The following GREB1L variants were observed in gnomAD, a reference collection of about 807,000 sequenced individuals.
The protein encoded by GREB1L is GREB1-like protein.
A neutral mutation model predicts 200.8 loss-of-function variants in GREB1L; 17 were observed. The ratio of observed to expected loss-of-function variants is 0.08; its 90% CI spans 0.06 to 0.13. The LOEUF (loss-of-function observed/expected upper bound fraction) is 0.13, where lower values mean the gene tolerates loss of function less well. Ranked by LOEUF, GREB1L falls within the 10% of genes least tolerant of loss-of-function variation. GREB1L has a pLI of 1.00. For synonymous variants in GREB1L, 789 were observed against 893.0 expected, an observed-to-expected ratio of 0.88 and a Z score of 2.08; for missense variants, 1,657 against 2,367.7, an observed-to-expected ratio of 0.70 and a Z score of 6.23.
At chr18:21,302,666 G>A (rs2038636562) in intron 1 of GREB1L, among the ~76,000 whole-genome samples, 1 of 152,130 alleles carries the variant, frequency 6.6e-6, no homozygotes, top group South Asian at 2.1e-4. Context: ...GGTTTGGTCT[G>A]GTCTGTTGGA....
chr18:21,399,597 A>T (rs2041233865), intron 5 of GREB1L, among the ~76,000 whole-genome samples: 1 of 152,152 alleles, frequency 6.6e-6, no homozygotes, highest in Admixed American at 6.5e-5. Flanking sequence ...GCTTTAAGGT[A>T]TTGGACAAAT....
At chr18:21,349,574 A>G (rs966053685) in intron 1 of GREB1L, among the ~76,000 whole-genome samples, 3 of 152,094 alleles carry the variant, frequency 2.0e-5, no homozygotes, top group Non-Finnish European at 4.4e-5. Context: ...GCAAGCGAGC[A>G]TTACCACCTG....
Position 21,243,059 on chromosome 18 carries a change from A to T in GREB1L, c.-120+666A>T, listed in dbSNP as rs1291548357. 2.0e-5 allele frequency among the ~76,000 whole-genome samples: 3 copies of T among 151,980 alleles called. No homozygotes were observed. In the East Asian group the frequency reaches 5.8e-4, roughly 29 times the overall value. On this transcript the variant is annotated intron_variant, in intron 1 of 32. Coordinates refer to ENST00000424526, the MANE Select transcript of GREB1L (RefSeq NM_001142966.3). The stretch of plus-strand genomic sequence containing the variant: ...GGCCAGCATGTCCATTTTTCTGTGC[A>T]TGGCTGAGGACCACTCTTATTCCGA...
At chr18:21,320,888 CAATG>C (rs2144912698) in intron 1 of GREB1L, among the ~76,000 whole-genome samples, 1 of 152,002 alleles carries the variant, frequency 6.6e-6, no homozygotes, top group Admixed American at 6.5e-5. Context: ...AATGAAATGA[CAATG>C]AAGAGTTCTT....
chr18:21,378,317 T>C (rs2040160125), intron 2 of GREB1L, among the ~76,000 whole-genome samples: 1 of 152,222 alleles, frequency 6.6e-6, no homozygotes, highest in Admixed American at 6.5e-5. Context: ...CAGAACTCCA[T>C]AGTCAGCACT....
chr18:21,495,690 A>G lies in GREB1L; in HGVS notation c.3051A>G (p.Pro1017=). 6.5e-7 allele frequency: 1 copy of G among 1,530,412 alleles called. No homozygotes were observed. The highest frequency in any genetic ancestry group is 8.9e-7 in the Non-Finnish European group (1 of 1,129,176). The allele number at this position is 1,530,412 out of a possible 1,614,324, so 94.8% of individuals were successfully genotyped here. A position where few individuals can be genotyped will look rare whatever the true frequency, so the allele number is the denominator to read the frequency against. ...TGTAGAGTTGGAGAGGAAATGAACCAGAAGAGTGGATCCCTCGGACATACC... is the reference window on the plus strand; with the variant it reads ...TGTAGAGTTGGAGAGGAAATGAACCGGAAGAGTGGATCCCTCGGACATACC... ...ARLKSWRGNE[P]EEWIPRTYQD... is the part of the protein sequence containing the mutation. Residue 1017 remains proline, a synonymous_variant, in exon 20 of 33, where the codon CCA becomes CCG. Transcript: ENST00000424526.
chr18:21,274,395 C>G (rs1269086632), intron 1 of GREB1L, among the ~76,000 whole-genome samples: 1 of 152,018 alleles, frequency 6.6e-6, no homozygotes, highest in African/African-American at 2.4e-5. Flanking sequence ...TATATACACA[C>G]ACACAAACAA....
At chr18:21,285,093 C>T (rs1009535032) in intron 1 of GREB1L, among the ~76,000 whole-genome samples, 8 of 152,002 alleles carry the variant, frequency 5.3e-5, no homozygotes, top group Non-Finnish European at 1.2e-4. Flanking sequence ...ATCAGATAAA[C>T]GGCTTAAAAA....
intron 4 of GREB1L, among the ~76,000 whole-genome samples, chr18:21,391,635 A>G (rs1170650230): frequency 1.3e-5 from 2 of 152,222 alleles, no homozygotes; most frequent in Non-Finnish European, 2.9e-5. Context: ...TTTCATTTAC[A>G]TATTAAAGAG....
chr18:21,336,910 TCTC>T (rs1368293332), intron 1 of GREB1L, among the ~76,000 whole-genome samples: 2 of 152,206 alleles, frequency 1.3e-5, no homozygotes, highest in African/African-American at 4.8e-5. Flanking sequence ...TCAGAACTCT[TCTC>T]CTTTCTGGTT....
intron 7 of GREB1L, among the ~76,000 whole-genome samples, chr18:21,422,433 A>G (rs2032234136): frequency 6.6e-6 from 1 of 152,166 alleles, no homozygotes; most frequent in Non-Finnish European, 1.5e-5. Flanking sequence ...CTCCTCCCAA[A>G]CAGGTAACCA....
chr18:21,364,307 A>T (rs147154632), intron 1 of GREB1L, among the ~76,000 whole-genome samples: 2 of 152,126 alleles, frequency 1.3e-5, no homozygotes. Flanking sequence ...TATAATTGTT[A>T]TTGATCTGTC....
chr18:21,514,209 G>A (rs1000606545), intron 28 of GREB1L, among the ~76,000 whole-genome samples: 1 of 152,122 alleles, frequency 6.6e-6, no homozygotes, highest in Non-Finnish European at 1.5e-5. Context: ...GGATCACAGC[G>A]TTGGTTAGCT....
chr18:21,446,214 A>G (rs2145346163), intron 11 of GREB1L, among the ~76,000 whole-genome samples: 1 of 152,246 alleles, frequency 6.6e-6, no homozygotes, highest in African/African-American at 2.4e-5. Flanking sequence ...TAGTAGAGAC[A>G]GGGTTTCACC....
At chr18:21,437,495 T>G (rs537660685) in intron 7 of GREB1L, among the ~76,000 whole-genome samples, 9 of 151,980 alleles carry the variant, frequency 5.9e-5, no homozygotes, top group African/African-American at 1.9e-4. Flanking sequence ...AATCTTAATA[T>G]CATAAGAAGA....
At chr18:21,400,167 C>T (rs1344127409) in intron 5 of GREB1L, among the ~76,000 whole-genome samples, 1 of 150,916 alleles carries the variant, frequency 6.6e-6, no homozygotes, top group African/African-American at 2.4e-5. Context: ...CTCTTATTGT[C>T]TGCTTTACTC....
At chr18:21,312,424 A>G (rs2144811948) in intron 1 of GREB1L, among the ~76,000 whole-genome samples, 1 of 152,304 alleles carries the variant, frequency 6.6e-6, no homozygotes, top group South Asian at 2.1e-4. Context: ...CAGTGGTCGA[A>G]GTAATTCACA....
chr18:21,497,513 G>A (rs1350058699), intron 21 of GREB1L, among the ~76,000 whole-genome samples: 3 of 151,666 alleles, frequency 2.0e-5, no homozygotes, highest in Non-Finnish European at 2.9e-5. Flanking sequence ...GCATGGTGGC[G>A]GGCGCCTGTA....
chr18:21,270,243 A>C (rs369537044), intron 1 of GREB1L, among the ~76,000 whole-genome samples: 23 of 152,340 alleles, frequency 1.5e-4, no homozygotes, highest in African/African-American at 5.5e-4. Flanking sequence ...ATTTATGCTT[A>C]ACTCTGAGAA....
Sources: allele counts gnomAD v4.1 joint callset (sites outside exome capture counted in the v4.1 genomes callset), GRCh38; gene constraint gnomAD v4.1.1; transcripts MANE v1.5; gene names NCBI Gene and HGNC (gene_info 2026-07-23, HGNC 2026-07-21).